Variants in AGXT2 observed in about 807,000 individuals in gnomAD.
The protein encoded by AGXT2 is alanine--glyoxylate aminotransferase 2, mitochondrial.
Under a neutral mutation model 62.5 loss-of-function variants are expected in AGXT2, and 61 were observed. That is an observed-to-expected ratio of 0.98 (90% CI 0.79 to 1.21). The LOEUF (loss-of-function observed/expected upper bound fraction) is 1.21. Among genes scored for constraint, AGXT2 ranks in the 50% most tolerant of loss-of-function variants. AGXT2 has a pLI of 0.00. For synonymous variants in AGXT2, 243 were observed against 218.7 expected (o/e 1.11, Z -0.98); for missense variants, 666 against 641.5 (o/e 1.04, Z -0.41).
At chr5:35,006,147 T>C (rs1156294417) in intron 12 of AGXT2, among the ~76,000 whole-genome samples, 1 of 152,220 alleles carries the variant, frequency 6.6e-6, no homozygotes, top group African/African-American at 2.4e-5. Context: ...AGTATTTCAT[T>C]GCAGTAAGTT....
chr5:35,039,158 G>A (rs1416758912), intron 3 of AGXT2, among the ~76,000 whole-genome samples, 166 bp downstream of exon 3: 1 of 152,080 alleles, frequency 6.6e-6, no homozygotes, highest in African/African-American at 2.4e-5. Context: ...GAAAAGTAAG[G>A]GTGTCAAGAT....
At chr5:35,041,223 C>CA (rs3034208) in intron 1 of AGXT2, among the ~76,000 whole-genome samples, 7,896 of 51,604 alleles carry the variant, frequency 0.15, 987 homozygotes, top group East Asian at 0.51. Flanking sequence ...CTCCCCCCGC[C>CA]AAAAAAAAAA....
intron 2 of AGXT2, 79 bp downstream of exon 2, chr5:35,040,496 T>C: frequency 7.3e-7 from 1 of 1,362,084 alleles, no homozygotes; most frequent in Admixed American, 1.7e-5. Flanking sequence ...TATTTTTGTG[T>C]CATTCTTAAG....
At chr5:35,032,242 A>G (rs945114425) in intron 7 of AGXT2, among the ~76,000 whole-genome samples, 1 of 150,836 alleles carries the variant, frequency 6.6e-6, no homozygotes, top group Non-Finnish European at 1.5e-5. Context: ...GTCAGCCACC[A>G]TGCCCCGCCG....
Position 35,025,849 on chromosome 5 carries a change from T to G in AGXT2, c.877A>C (p.Asn293His), listed in dbSNP as rs768992970. The change falls in exon 9 of 14, where the codon AAT becomes CAT. Residue 293 changes from asparagine (N) to histidine (H), a missense_variant. Asn to His is a moderately conservative substitution (Grantham distance 68). Transcript: ENST00000231420. ...CCCTTTGGGTACTGGACAACTCCATTCACACCCTGCAAAAGACCAGACCAA... is the reference window on the plus strand; with the variant it reads ...CCCTTTGGGTACTGGACAACTCCATGCACACCCTGCAAAAGACCAGACCAA... ...GFFAEPIQGV[N>H]GVVQYPKGFL... The G allele has an allele frequency of 1.9e-6, 3 of 1,613,972 alleles. No homozygotes were observed. The African/African-American group carries it at 4.0e-5, about 22-fold the overall frequency.
At position 35,018,640 on chromosome 5, in the gene AGXT2, C is replaced by T. The variant is rs558648402; in HGVS notation, c.964-4521G>A. ...AATCATGCCAAAATGTAAAGACCAT[C>T]GAGACTAGGAAGAAACTGCATCAAC... On this transcript the variant is annotated intron_variant, in intron 9 of 13. Coordinates refer to ENST00000231420, the MANE Select transcript of AGXT2 (RefSeq NM_031900.4). 4.4e-3 allele frequency among the ~76,000 whole-genome samples: 670 copies of T among 151,300 alleles called. 4 individuals are homozygous for T. Among genetic ancestry groups the T allele is most frequent in the Non-Finnish European group, 7.3e-3 (497 of 67,886 alleles).
intron 10 of AGXT2, 142 bp downstream of exon 10, chr5:35,013,845 G>T: frequency 1.6e-6 from 2 of 1,250,012 alleles, no homozygotes; most frequent in Non-Finnish European, 2.3e-6. Context: ...CAGACAGACT[G>T]TTTCTCTCTT....
At chr5:35,004,626 C>A (rs1486637004) in intron 12 of AGXT2, among the ~76,000 whole-genome samples, 2 of 152,212 alleles carry the variant, frequency 1.3e-5, no homozygotes, top group Non-Finnish European at 2.9e-5. Flanking sequence ...GGAAGGCTTT[C>A]AAATGACAGA....
rs181207799 is a variant in AGXT2, at chr5:34,999,522, A to C, written c.1438-696T>G. Among the ~76,000 whole-genome samples, 12 of 152,210 alleles carry C rather than the reference A, an allele frequency of 7.9e-5. 1 individual carries two copies. Among genetic ancestry groups the C allele is most frequent in the Middle Eastern group, 6.8e-3 (2 of 294 alleles). On this transcript the variant is annotated intron_variant, in intron 13 of 13. Transcript: ENST00000231420. ...TATTTTATTGAATGGCTTTTTTCTA[A>C]TCTAGATGGCTGAGAAGAGTTAGAG...
chr5:35,034,376 C>T (rs1767690457), intron 5 of AGXT2, among the ~76,000 whole-genome samples: 3 of 152,106 alleles, frequency 2.0e-5, no homozygotes, highest in African/African-American at 7.2e-5. Context: ...TGTCATATTT[C>T]TTATTCCTGT....
intron 9 of AGXT2, among the ~76,000 whole-genome samples, chr5:35,021,645 T>A (rs1344494532): frequency 9.9e-5 from 15 of 152,172 alleles, no homozygotes; most frequent in African/African-American, 3.6e-4. Flanking sequence ...GGCATTACCA[T>A]TCAGGACACA....
chr5:35,003,620 TG>T, intron 13 of AGXT2, 142 bp downstream of exon 13: 1 of 794,076 alleles, frequency 1.3e-6, no homozygotes, highest in Non-Finnish European at 2.2e-6. Flanking sequence ...AGATGACATG[TG>T]GCTGGGTACC....
intron 1 of AGXT2, among the ~76,000 whole-genome samples, chr5:35,040,956 T>C (rs948645647): frequency 6.6e-6 from 1 of 152,086 alleles, no homozygotes; most frequent in Admixed American, 6.6e-5. Context: ...ACCGTGTCGA[T>C]TCTCTCATCA....
intron 9 of AGXT2, among the ~76,000 whole-genome samples, chr5:35,017,651 T>TA (rs1561218968): frequency 6.6e-6 from 1 of 152,182 alleles, no homozygotes; most frequent in African/African-American, 2.4e-5. Flanking sequence ...CTGGAAACTC[T>TA]AAAAAGCAGA....
In AGXT2 at chr5:35,026,503, G is replaced by T. The variant is rs749341798; in HGVS notation, c.777C>A (p.Cys259Ter). The T allele has an allele frequency of 6.2e-7, 1 of 1,613,402 alleles. No homozygotes were observed. Among genetic ancestry groups the T allele is most frequent in the Non-Finnish European group, 8.5e-7 (1 of 1,179,678 alleles). Residue 259 changes from cysteine (C) to a stop codon, truncating the protein, a stop_gained, in exon 8 of 14, where the codon TGC becomes TGA. Coordinates refer to ENST00000231420, the MANE Select transcript of AGXT2 (RefSeq NM_031900.4). LOFTEE classifies it high-confidence loss of function. Reference sequence around the variant, plus strand: ...GCTCAATATACTGATCTTTAGCTTGGCAGCAGTCTGCAAAAAGCAAACAAC... The same window carrying T: ...GCTCAATATACTGATCTTTAGCTTGTCAGCAGTCTGCAAAAAGCAAACAAC... ...IRKCSCAPDC[C>*]QAKDQYIEQF...
chr5:35,047,813 A>G lies in AGXT2; in HGVS notation c.80T>C (p.Phe27Ser). 3.7e-6 allele frequency: 6 copies of G among 1,613,990 alleles called. No individual in the cohort carries two copies. The highest frequency in any genetic ancestry group is 5.1e-6 in the Non-Finnish European group (6 of 1,179,962). ...SAPRILEMHPFLSLGTSRTSV... is the reference protein window; with the variant it reads ...SAPRILEMHPSLSLGTSRTSV... ...CCCTGGTTTCCACTTACGGCTCAGG[A>G]AAGGATGCATCTCAAGGATCCTGGG... The change falls in exon 1 of 14, where the codon TTC (phenylalanine) becomes TCC (serine). Residue 27 changes from phenylalanine to serine, a missense_variant. By Grantham distance (155) the Phe-to-Ser change is radical. Coordinates refer to ENST00000231420, the MANE Select transcript of AGXT2 (RefSeq NM_031900.4).
Position 35,026,418 on chromosome 5 carries a change from G to A in AGXT2, c.862C>T (p.Pro288Ser). 6.2e-7 allele frequency: 1 copy of A among 1,613,882 alleles called. No individual in the cohort carries two copies. Among genetic ancestry groups the A allele is most frequent in the Non-Finnish European group, 8.5e-7 (1 of 1,179,810 alleles). ...AAGGTTCATATACCCACTTGAATAG[G>A]TTCTGCGAAAAATCCAGCAATTGAC... ...AKSIAGFFAEPIQGVNGVVQY... is the reference protein window; with the variant it reads ...AKSIAGFFAESIQGVNGVVQY... Residue 288 changes from proline to serine, a missense_variant, in exon 8 of 14, where the codon CCT becomes TCT. Coordinates refer to ENST00000231420, the MANE Select transcript of AGXT2 (RefSeq NM_031900.4).
intron 9 of AGXT2, among the ~76,000 whole-genome samples, chr5:35,020,025 A>T (rs1197462679): frequency 2.0e-5 from 3 of 152,246 alleles, no homozygotes; most frequent in African/African-American, 7.2e-5. Context: ...TAAACCAGGA[A>T]GAAATTGAAT....
chr5:35,046,305 C>T (rs1192046807), intron 1 of AGXT2, among the ~76,000 whole-genome samples: 1 of 152,192 alleles, frequency 6.6e-6, no homozygotes, highest in Non-Finnish European at 1.5e-5. Flanking sequence ...ATAATTTCCT[C>T]CTCACTGAGC....
Sources: allele counts gnomAD v4.1 joint callset (sites outside exome capture counted in the v4.1 genomes callset), GRCh38; gene constraint gnomAD v4.1.1; transcripts MANE v1.5; gene names NCBI Gene and HGNC (gene_info 2026-07-23, HGNC 2026-07-21).